The following CDH13 variants were observed in gnomAD, a reference collection of about 807,000 sequenced individuals.
CDH13 encodes cadherin-13.
Under a neutral mutation model 63.8 loss-of-function variants are expected in CDH13, and 24 were observed. That is an observed-to-expected ratio of 0.38 (90% CI 0.27 to 0.53). The LOEUF (loss-of-function observed/expected upper bound fraction) is 0.53, where lower values mean the gene tolerates loss of function less well. Ranked by LOEUF, CDH13 falls within the 20% of genes least tolerant of loss-of-function variation. The pLI is 0.85. For missense variants in CDH13, 1,049 were observed against 903.1 expected, an observed-to-expected ratio of 1.16 and a Z score of -2.07; for synonymous variants, 503 against 355.3, an observed-to-expected ratio of 1.42 and a Z score of -4.67.
At chr16:82,738,496 G>A (rs527303633) in intron 1 of CDH13, among the ~76,000 whole-genome samples, 49 of 152,274 alleles carry the variant, frequency 3.2e-4, no homozygotes, top group African/African-American at 9.6e-4. Flanking sequence ...GCCCTAAAAC[G>A]TTTAGTGGCT....
chr16:82,936,919 T>C (rs2042686574), intron 2 of CDH13, among the ~76,000 whole-genome samples: 1 of 152,128 alleles, frequency 6.6e-6, no homozygotes, highest in South Asian at 2.1e-4. Flanking sequence ...GGTATGGTAG[T>C]GCCAAGAGTG....
At chr16:83,278,113 C>T (rs541294950) in intron 5 of CDH13, among the ~76,000 whole-genome samples, 25 of 152,032 alleles carry the variant, frequency 1.6e-4, no homozygotes, top group African/African-American at 5.1e-4. Context: ...GTATTGCTTT[C>T]CTTTAAAAAA....
intron 6 of CDH13, among the ~76,000 whole-genome samples, chr16:83,376,802 A>G (rs1459813364): frequency 6.6e-6 from 1 of 152,134 alleles, no homozygotes; most frequent in Non-Finnish European, 1.5e-5. Flanking sequence ...CATTGATTTG[A>G]CCAATACAAT....
intron 2 of CDH13, among the ~76,000 whole-genome samples, chr16:82,887,790 C>G (rs1280321658): frequency 6.6e-6 from 1 of 151,996 alleles, no homozygotes; most frequent in African/African-American, 2.4e-5. Context: ...CCACTGCACT[C>G]TAGCCTGGGT....
chr16:83,548,427 C>G (rs571035306), intron 7 of CDH13, among the ~76,000 whole-genome samples: 3 of 152,234 alleles, frequency 2.0e-5, no homozygotes, highest in South Asian at 4.2e-4. Flanking sequence ...AGCCCCTCCC[C>G]CAACAGCAAA....
chr16:83,710,685 CAG>C (rs1220319870), intron 10 of CDH13: 1 of 152,144 alleles, frequency 6.6e-6, no homozygotes, highest in Non-Finnish European at 1.5e-5. Flanking sequence ...ATCTCTAAAC[CAG>C]AGTTTCCTTG....
intron 1 of CDH13, among the ~76,000 whole-genome samples, chr16:82,831,857 T>A (rs780675919): frequency 9.2e-5 from 14 of 152,204 alleles, no homozygotes; most frequent in Non-Finnish European, 1.6e-4. Flanking sequence ...GGAATGACTT[T>A]CCAGGAAACA....
chr16:82,871,922 C>A, intron 2 of CDH13, among the ~76,000 whole-genome samples: 1 of 152,280 alleles, frequency 6.6e-6, no homozygotes, highest in South Asian at 2.1e-4. Flanking sequence ...CCCAGTGTTC[C>A]AGCAAATATC....
chr16:83,526,472 A>G (rs2074962235), intron 7 of CDH13, among the ~76,000 whole-genome samples: 1 of 152,132 alleles, frequency 6.6e-6, no homozygotes. Flanking sequence ...TGCAAGCTAG[A>G]TCCCTTGCAT....
chr16:83,472,437 G>A (rs945607122), intron 6 of CDH13, among the ~76,000 whole-genome samples: 2 of 152,216 alleles, frequency 1.3e-5, no homozygotes, highest in Non-Finnish European at 2.9e-5. Context: ...ACTGGGGAGA[G>A]CAGGAGCCAT....
At chr16:82,655,422 A>G (rs369159839) in intron 1 of CDH13, among the ~76,000 whole-genome samples, 213 of 152,276 alleles carry the variant, frequency 1.4e-3, no homozygotes, top group African/African-American at 4.9e-3. Flanking sequence ...GGATCTCAAA[A>G]GGAAAGTGTA....
At chr16:83,712,836 T>G (rs537333362) in intron 10 of CDH13, among the ~76,000 whole-genome samples, 11 of 152,378 alleles carry the variant, frequency 7.2e-5, no homozygotes, top group African/African-American at 2.2e-4. Context: ...TAGAGGAGTA[T>G]GTAAAACAGC....
At chr16:83,781,186 C>A (rs143179652) in intron 12 of CDH13, among the ~76,000 whole-genome samples, 143 of 152,318 alleles carry the variant, frequency 9.4e-4, no homozygotes, top group African/African-American at 3.1e-3. Flanking sequence ...CTTAACCCAA[C>A]TTCTATCACT....
chr16:82,651,676 G>A (rs186663569), intron 1 of CDH13, among the ~76,000 whole-genome samples: 187 of 152,318 alleles, frequency 1.2e-3, no homozygotes, highest in Non-Finnish European at 2.3e-3. Context: ...TACGCCATTG[G>A]AACAAAGCCA....
intron 7 of CDH13, among the ~76,000 whole-genome samples, chr16:83,496,177 A>G (rs1167589331): frequency 2.6e-5 from 4 of 152,136 alleles, no homozygotes; most frequent in African/African-American, 7.2e-5. Flanking sequence ...TAAGTATGGA[A>G]CCAAAAAAGA....
intron 1 of CDH13, among the ~76,000 whole-genome samples, chr16:82,800,929 C>T (rs187463845): frequency 1.8e-4 from 28 of 152,212 alleles, no homozygotes; most frequent in East Asian, 1.5e-3. Flanking sequence ...CTTTCGACTC[C>T]ATTTGGTACA....
intron 7 of CDH13, among the ~76,000 whole-genome samples, chr16:83,559,353 C>T (rs1457302826): frequency 4.6e-5 from 7 of 152,222 alleles, no homozygotes; most frequent in Middle Eastern, 3.4e-3. Flanking sequence ...AGGTGGATCA[C>T]CTGAGGTTGT....
intron 7 of CDH13, among the ~76,000 whole-genome samples, chr16:83,566,927 C>A (rs1222981154): frequency 1.3e-5 from 2 of 152,144 alleles, no homozygotes; most frequent in Admixed American, 6.5e-5. Flanking sequence ...TTCCTTATTC[C>A]CACCCTCATC....
intron 1 of CDH13, among the ~76,000 whole-genome samples, chr16:82,817,043 G>C (rs1477536344): frequency 6.6e-6 from 1 of 152,112 alleles, no homozygotes; most frequent in Non-Finnish European, 1.5e-5. Flanking sequence ...CTATGCAGTT[G>C]TGAGGTCTTT....
Sources: gnomAD v4.1 joint callset for allele counts (sites outside exome capture counted in the v4.1 genomes callset) on GRCh38, gnomAD v4.1.1 for gene constraint, MANE v1.5 for transcripts, NCBI Gene and HGNC (gene_info 2026-07-23, HGNC 2026-07-21) for gene names.